Variants in CUX2 observed in about 807,000 individuals in gnomAD.
CUX2 encodes the protein cut like homeobox 2, also known as homeobox protein cut-like 2.
In CUX2, 40 loss-of-function variants were observed where a neutral mutation model predicts 144.8. The observed-to-expected ratio is 0.28, with a 90% CI of 0.21 to 0.36. The LOEUF (loss-of-function observed/expected upper bound fraction) is 0.36, where lower values mean the gene tolerates loss of function less well. Ranked by LOEUF, CUX2 falls within the 10% of genes least tolerant of loss-of-function variation. The probability of loss-of-function intolerance (pLI) is 1.00; values close to 1 mark genes in which losing one functional copy is unlikely to be tolerated. For synonymous variants in CUX2, 827 were observed against 875.6 expected (o/e 0.94, Z 0.98); for missense variants, 1,615 against 1,994.0 (o/e 0.81, Z 3.62).
At chr12:111,272,630 A>G (rs982046701) in intron 4 of CUX2, among the ~76,000 whole-genome samples, 2 of 151,958 alleles carry the variant, frequency 1.3e-5, no homozygotes, top group African/African-American at 2.4e-5. Flanking sequence ...ACACCCAGCT[A>G]ATTTTGTATT....
intron 1 of CUX2, among the ~76,000 whole-genome samples, chr12:111,192,108 G>GATT (rs976071549): frequency 1.3e-5 from 2 of 152,042 alleles, no homozygotes; most frequent in African/African-American, 4.8e-5. Context: ...TGGCTGAGGG[G>GATT]ATTATTATTA....
In CUX2 at chr12:111,037,148, G is replaced by T. The variant is rs1869498235; in HGVS notation, c.63+2908G>T. On this transcript the variant is annotated intron_variant, in intron 1 of 21. Coordinates refer to ENST00000261726, the MANE Select transcript of CUX2 (RefSeq NM_015267.4). The surrounding 1 kb of genome is among the most constrained non-coding windows in gnomAD (Gnocchi z 5.4). ...AGGTCCCCGTGCCCAGCCCCAGGCA[G>T]CCGGAGAGCCGGGGTCCCGCGTCCC... 6.6e-6 allele frequency among the ~76,000 whole-genome samples: 1 copy of T among 152,296 alleles called. No homozygotes were observed. The highest frequency in any genetic ancestry group is 1.5e-5 in the Non-Finnish European group (1 of 68,024).
At chr12:111,268,392 A>G (rs1032554284) in intron 4 of CUX2, among the ~76,000 whole-genome samples, 1 of 152,172 alleles carries the variant, frequency 6.6e-6, no homozygotes, top group Non-Finnish European at 1.5e-5. Flanking sequence ...CCCAGCTCAA[A>G]GACACTTTGA....
At chr12:111,250,106 G>T (rs569960426) in intron 3 of CUX2, among the ~76,000 whole-genome samples, 52 of 152,214 alleles carry the variant, frequency 3.4e-4, no homozygotes, top group Non-Finnish European at 6.3e-4. Flanking sequence ...AGGCCAAAGT[G>T]GCTGACAAAG....
Position 111,134,614 on chromosome 12 carries a change from C to CTGTGTGTGTGTGTGTGTG in CUX2, c.64-79585_64-79584insGTGTGTGTGTGTGTGTGT, listed in dbSNP as rs1159711656. Among the ~76,000 whole-genome samples the CTGTGTGTGTGTGTGTGTG allele has an allele frequency of 1.4e-3, 197 of 144,202 alleles. 1 individual carries two copies. The highest frequency in any genetic ancestry group is 5.7e-3 in the African/African-American group (195 of 34,298). The allele number at this position is 144,202 out of a possible 152,430, so 94.6% of individuals were successfully genotyped here. On this transcript the variant is annotated intron_variant, in intron 1 of 21. Coordinates refer to ENST00000261726, the MANE Select transcript of CUX2 (RefSeq NM_015267.4). Reference sequence around the variant, plus strand: ...TCTCTTTCTCTCTCTCTCTCTCTCTCTCTCTCTGTGTGTGTGTGTGTGTGT... The same window carrying CTGTGTGTGTGTGTGTGTG: ...TCTCTTTCTCTCTCTCTCTCTCTCTCTGTGTGTGTGTGTGTGTGTCTCTCTGTGTGTGTGTGTGTGTGT...
At chr12:111,184,079 C>T (rs1879360613) in intron 1 of CUX2, among the ~76,000 whole-genome samples, 1 of 152,136 alleles carries the variant, frequency 6.6e-6, no homozygotes, top group Admixed American at 6.5e-5. Context: ...CAGTCCCTTG[C>T]GGGGTTGATG....
chr12:111,093,319 ACT>A (rs1208850230), intron 1 of CUX2, among the ~76,000 whole-genome samples: 1 of 151,832 alleles, frequency 6.6e-6, no homozygotes, highest in Non-Finnish European at 1.5e-5. Flanking sequence ...TGTTACATAA[ACT>A]CTGGCTCGCC....
Position 111,186,935 on chromosome 12 carries a change from T to C in CUX2, c.64-27265T>C, listed in dbSNP as rs914767350. Among the ~76,000 whole-genome samples, 13 of 152,058 alleles carry C rather than the reference T, an allele frequency of 8.5e-5. No homozygotes were observed. Among genetic ancestry groups the C allele is most frequent in the African/African-American group, 3.1e-4 (13 of 41,410 alleles). Reference sequence around the variant, plus strand: ...CTGGGATTACAGGCACGTGCCACCATGCCTGGCTAATTTTTGTATTTTTGG... The same window carrying C: ...CTGGGATTACAGGCACGTGCCACCACGCCTGGCTAATTTTTGTATTTTTGG... On this transcript the variant is annotated intron_variant, in intron 1 of 21. Transcript: ENST00000261726. The surrounding 1 kb of genome is among the most constrained non-coding windows in gnomAD (Gnocchi z 4.4).
chr12:111,295,243 A>AG lies in CUX2; in HGVS notation c.561-86dup. On this transcript the variant is annotated intron_variant, in intron 6 of 21. Coordinates refer to ENST00000261726, the MANE Select transcript of CUX2 (RefSeq NM_015267.4). This position sits in a 1 kb window ranked among gnomAD's most constrained non-coding sequence, Gnocchi z 5.0. Reference sequence around the variant, plus strand: ...AGGTGCAGGTTACAGGGAGTGGGCAAGGGGTAGGAAGCAAGATGGGGCTCG... The same window carrying AG: ...AGGTGCAGGTTACAGGGAGTGGGCAAGGGGGTAGGAAGCAAGATGGGGCTCG... The AG allele has an allele frequency of 8.9e-7, 1 of 1,123,818 alleles. No homozygotes were observed. Among genetic ancestry groups the AG allele is most frequent in the East Asian group, 2.6e-5 (1 of 38,586 alleles). The allele number at this position is 1,123,818 out of a possible 1,614,324, so 69.6% of individuals were successfully genotyped here.
intron 1 of CUX2, among the ~76,000 whole-genome samples, chr12:111,154,407 C>T (rs1877245436): frequency 6.6e-6 from 1 of 152,078 alleles, no homozygotes; most frequent in South Asian, 2.1e-4. Context: ...CCACAGGGCT[C>T]CTCCCTCAGC....
At chr12:111,250,673 G>A (rs1304731734) in intron 3 of CUX2, among the ~76,000 whole-genome samples, 1 of 152,128 alleles carries the variant, frequency 6.6e-6, no homozygotes, top group Admixed American at 6.6e-5. Flanking sequence ...GGAGGAGGTG[G>A]CCCAAAAGAC....
chr12:111,238,757 G>A (rs1882882710), intron 3 of CUX2, among the ~76,000 whole-genome samples: 1 of 152,142 alleles, frequency 6.6e-6, no homozygotes, highest in South Asian at 2.1e-4. Flanking sequence ...CTCAAAAGGT[G>A]GCTCTGGCCA....
intron 1 of CUX2, among the ~76,000 whole-genome samples, chr12:111,136,244 G>C (rs553238342): frequency 6.6e-6 from 1 of 152,040 alleles, no homozygotes; most frequent in African/African-American, 2.4e-5. Flanking sequence ...CGCGATTCTC[G>C]GTAGAATTTA....
chr12:111,314,651 A>C (rs987071394), intron 16 of CUX2, among the ~76,000 whole-genome samples: 2 of 128,444 alleles, frequency 1.6e-5, no homozygotes, highest in African/African-American at 3.4e-5. Context: ...AAAAAAAAAA[A>C]AAAAAAAAAA....
chr12:111,339,267 C>T (rs1592986415), intron 20 of CUX2, among the ~76,000 whole-genome samples: 1 of 151,948 alleles, frequency 6.6e-6, no homozygotes, highest in East Asian at 1.9e-4. Context: ...AACCTAACAC[C>T]CCATCTCTTG....
chr12:111,090,577 A>G (rs985471741), intron 1 of CUX2, among the ~76,000 whole-genome samples: 1 of 151,914 alleles, frequency 6.6e-6, no homozygotes, highest in Non-Finnish European at 1.5e-5. Flanking sequence ...CGATCCCTTT[A>G]CTACACTATT....
chr12:111,242,282 G>A (rs1354178130), intron 3 of CUX2, among the ~76,000 whole-genome samples: 1 of 152,232 alleles, frequency 6.6e-6, no homozygotes, highest in African/African-American at 2.4e-5. Flanking sequence ...AGTTGCAACA[G>A]CAAATAAGTG....
At chr12:111,174,017 A>C (rs988627833) in intron 1 of CUX2, among the ~76,000 whole-genome samples, 3 of 152,192 alleles carry the variant, frequency 2.0e-5, no homozygotes, top group Non-Finnish European at 4.4e-5. Flanking sequence ...CAGAGGGTGG[A>C]GCAAAGCACA....
At chr12:111,100,026 T>C (rs770686428) in intron 1 of CUX2, 2 of 457,090 alleles carry the variant, frequency 4.4e-6, no homozygotes, top group South Asian at 3.1e-5. Flanking sequence ...TATTTGCCGG[T>C]GGTGCTGCTG....
Sources: allele counts gnomAD v4.1 joint callset (sites outside exome capture counted in the v4.1 genomes callset), GRCh38; gene constraint gnomAD v4.1.1; non-coding constraint Gnocchi (gnomAD v3.1); transcripts MANE v1.5; gene names NCBI Gene and HGNC (gene_info 2026-07-23, HGNC 2026-07-21).